NUP43: variants seen among roughly 807,000 people sequenced by gnomAD.
NUP43 encodes the protein nucleoporin 43, also known as nucleoporin Nup43.
A neutral mutation model predicts 47.3 loss-of-function variants in NUP43; 32 were observed. That is an observed-to-expected ratio of 0.68 (90% CI 0.51 to 0.91). The LOEUF (loss-of-function observed/expected upper bound fraction) is 0.91. Ranked by LOEUF, NUP43 falls within the 40% of genes least tolerant of loss-of-function variation. The probability of loss-of-function intolerance (pLI) is 0.00; values close to 1 mark genes in which losing one functional copy is unlikely to be tolerated. For missense variants in NUP43, 444 were observed against 453.9 expected (o/e 0.98, Z 0.20); for synonymous variants, 147 against 158.4 (o/e 0.93, Z 0.54).
At chr6:149,734,781 G>C (rs1785234934) in intron 6 of NUP43, among the ~76,000 whole-genome samples, 2 of 108,818 alleles carry the variant, frequency 1.8e-5, no homozygotes, top group African/African-American at 7.2e-5. Flanking sequence ...CTGGGCGACA[G>C]AACAAGACTC....
In NUP43 at chr6:149,725,770, A is replaced by C. The variant is rs1784770163; in HGVS notation, c.*1199T>G. 6.6e-6 allele frequency: 1 copy of C among 152,190 alleles called. No homozygotes were observed. Among genetic ancestry groups the C allele is most frequent in the Non-Finnish European group, 1.5e-5 (1 of 68,040 alleles). The allele number at this position is 152,190 out of a possible 1,614,324, so 9.4% of individuals were successfully genotyped here. On this transcript the variant is annotated 3_prime_UTR_variant, in exon 8 of 8. Transcript: ENST00000340413. The stretch of plus-strand genomic sequence containing the variant: ...CAAAGTTTGGAAAGATAGTATCATT[A>C]AATTATCTTAAAACACTACATTAGT...
chr6:149,734,250 A>T (rs977471386), intron 6 of NUP43, among the ~76,000 whole-genome samples: 10 of 152,036 alleles, frequency 6.6e-5, no homozygotes, highest in African/African-American at 2.4e-4. Context: ...CAAGAGGATC[A>T]CTTGACCCCA....
intron 7 of NUP43, 58 bp from the exon 8 acceptor site, chr6:149,727,256 A>AT: frequency 1.3e-6 from 2 of 1,544,378 alleles, no homozygotes; most frequent in Non-Finnish European, 1.8e-6. Context: ...ATTAGTAAAC[A>AT]TTCAAACTTC....
At chr6:149,731,499 G>A (rs1195363476) in intron 7 of NUP43, 114 bp downstream of exon 7, 9 of 871,042 alleles carry the variant, frequency 1.0e-5, no homozygotes, top group African/African-American at 6.9e-5. Context: ...GGAGGCGGAG[G>A]TTGCAGTGAG....
chr6:149,728,423 G>A, intron 7 of NUP43: 2 of 984,560 alleles, frequency 2.0e-6, no homozygotes, highest in South Asian at 9.4e-5. Context: ...TGTAGATGAA[G>A]TTATAGCATG....
At position 149,731,645 on chromosome 6, in the gene NUP43, T is replaced by C. The variant is rs762872295; in HGVS notation, c.881A>G (p.Asp294Gly). ...AAAGAGTGACGACTTTTCAGGTACA[T>C]CTGTGGAAGCATCCCAGTGCCAGAG... ...GSLWHWDAST[D>G]VPEKSSLFHQ... Residue 294 changes from aspartate (D) to glycine (G), a missense_variant, in exon 7 of 8, where the codon GAT becomes GGT. Transcript: ENST00000340413. The C allele has an allele frequency of 6.2e-7, 1 of 1,613,298 alleles. No individual in the cohort carries two copies. The highest frequency in any genetic ancestry group is 1.7e-5 in the Admixed American group (1 of 59,968).
At chr6:149,745,898 C>A (rs759471928) in intron 2 of NUP43, 42 bp downstream of exon 2, 1 of 1,568,148 alleles carries the variant, frequency 6.4e-7, no homozygotes, top group South Asian at 1.2e-5. Context: ...ATGTATTACT[C>A]AGGACTTTCA....
intron 1 of NUP43, 107 bp downstream of exon 1, chr6:149,746,269 A>C: frequency 6.6e-7 from 1 of 1,513,784 alleles, no homozygotes; most frequent in Non-Finnish European, 9.0e-7. Context: ...GGGGGACCTA[A>C]AAGTGCGAGA....
intron 4 of NUP43, among the ~76,000 whole-genome samples, chr6:149,739,987 A>G (rs554166552): frequency 6.6e-6 from 1 of 152,322 alleles, no homozygotes; most frequent in African/African-American, 2.4e-5. Flanking sequence ...GTCATTAATT[A>G]ACAAATAAGT....
chr6:149,745,216 T>A (rs186038526), intron 2 of NUP43, among the ~76,000 whole-genome samples: 4 of 151,782 alleles, frequency 2.6e-5, no homozygotes, highest in African/African-American at 9.7e-5. Flanking sequence ...GTGGCTAATA[T>A]GGTGAAACCC....
chr6:149,733,995 T>C (rs2115099500), intron 6 of NUP43, among the ~76,000 whole-genome samples: 1 of 152,112 alleles, frequency 6.6e-6, no homozygotes, highest in East Asian at 1.9e-4. Flanking sequence ...CGGCTAATTT[T>C]GTATTTTTAG....
intron 5 of NUP43, among the ~76,000 whole-genome samples, chr6:149,737,629 T>C (rs983443364): frequency 1.1e-4 from 16 of 152,102 alleles, no homozygotes; most frequent in Admixed American, 2.6e-4. Flanking sequence ...CTGAATCTTT[T>C]TTTTATTTGA....
intron 2 of NUP43, among the ~76,000 whole-genome samples, chr6:149,744,880 TTTTATTTTA>T (rs1010776609): frequency 6.0e-5 from 9 of 151,042 alleles, no homozygotes; most frequent in African/African-American, 2.2e-4. Context: ...TAGCTTTCTT[TTTTATTTTA>T]TTTATTTATT....
chr6:149,728,947 ATTC>A (rs1784910100), intron 7 of NUP43, among the ~76,000 whole-genome samples: 1 of 151,776 alleles, frequency 6.6e-6, no homozygotes, highest in Non-Finnish European at 1.5e-5. Context: ...ACTCTGCTGT[ATTC>A]TTCTTCATGG....
upstream of NUP43, among the ~76,000 whole-genome samples, chr6:149,748,371 T>C (rs1786130233): frequency 6.6e-6 from 1 of 152,196 alleles, no homozygotes; most frequent in Non-Finnish European, 1.5e-5. Context: ...GTTTCATTTA[T>C]GGTCACATAA....
chr6:149,737,261 G>A (rs1224172881), intron 5 of NUP43, among the ~76,000 whole-genome samples: 1 of 151,600 alleles, frequency 6.6e-6, no homozygotes, highest in Non-Finnish European at 1.5e-5. Context: ...TCCAGCCTGG[G>A]TGACAGAGTA....
chr6:149,727,893 A>G lies in NUP43; in HGVS notation c.914-695T>C, dbSNP rs187652415. ...TCCTCTCAACTTGCTGTCATATCAA[A>G]TAAGTACAAATTTAATTCACTCAAC... is the stretch of plus-strand genomic sequence containing the variant. On this transcript the variant is annotated intron_variant, in intron 7 of 7. Transcript: ENST00000340413. The G allele has an allele frequency of 1.4e-3, 1,386 of 985,308 alleles. 13 individuals are homozygous for G. The African/African-American group carries it at 0.022, about 16-fold the overall frequency. 61.0% of individuals were successfully genotyped at this position (985,308 alleles called of 1,614,324 possible).
At position 149,746,415 on chromosome 6, in the gene NUP43, C is replaced by G. The variant is rs1786006393; in HGVS notation, c.81G>C (p.Gln27His). The G allele has an allele frequency of 1.9e-6, 3 of 1,614,094 alleles. No individual in the cohort carries two copies. Among genetic ancestry groups the G allele is most frequent in the Admixed American group, 1.7e-5 (1 of 60,008 alleles). Residue 27 changes from glutamine to histidine, a missense_variant, in exon 1 of 8, where the codon CAG becomes CAC. Gln to His is a conservative substitution (Grantham distance 24). Coordinates refer to ENST00000340413, the MANE Select transcript of NUP43 (RefSeq NM_198887.3). ...RWRPLPPGSL[Q>H]TAETFATGSW... Reference sequence around the variant, plus strand: ...ATCCTGTAGCGAACGTCTCCGCGGTCTGTAAACTTCCCGGAGGCAGCGGTC... The same window carrying G: ...ATCCTGTAGCGAACGTCTCCGCGGTGTGTAAACTTCCCGGAGGCAGCGGTC...
chr6:149,746,662 C>T (rs766451934), upstream of NUP43: 10 of 1,558,786 alleles, frequency 6.4e-6, no homozygotes, highest in African/African-American at 1.4e-5. Flanking sequence ...AGTACCTAGA[C>T]TGAGAGGCCC....
Sources: gnomAD v4.1 joint callset for allele counts (sites outside exome capture counted in the v4.1 genomes callset) on GRCh38, gnomAD v4.1.1 for gene constraint, MANE v1.5 for transcripts, NCBI Gene and HGNC (gene_info 2026-07-23, HGNC 2026-07-21) for gene names.